MN1: variants seen among roughly 807,000 people sequenced by gnomAD.
MN1 encodes MN1 proto-oncogene, transcriptional regulator, also known as transcriptional activator MN1.
A neutral mutation model predicts 86.9 loss-of-function variants in MN1; 19 were observed. The observed-to-expected ratio is 0.22, with a 90% CI of 0.15 to 0.32. The LOEUF is 0.32. Ranked by LOEUF, MN1 falls within the 10% of genes least tolerant of loss-of-function variation. The probability of loss-of-function intolerance (pLI) is 1.00; values close to 1 mark genes in which losing one functional copy is unlikely to be tolerated. For synonymous variants in MN1, 928 were observed against 849.6 expected (o/e 1.09, Z -1.60); for missense variants, 1,841 against 1,862.0 (o/e 0.99, Z 0.21).
At position 27,797,161 on chromosome 22, in the gene MN1, C is replaced by T. The variant is rs935200470; in HGVS notation, c.3383G>A (p.Gly1128Asp). The T allele has an allele frequency of 4.5e-6, 7 of 1,560,546 alleles. No homozygotes were observed. The highest frequency in any genetic ancestry group is 1.9e-5 in the Admixed American group (1 of 52,872). Residue 1128 changes from glycine (G) to aspartate (D), a missense_variant, in exon 1 of 2, where the codon GGC becomes GAC. Gly to Asp is a moderately conservative substitution (Grantham distance 94, BLOSUM62 -1). Transcript: ENST00000302326. ...GCGGACCTGCTCCAGGCCCGGAGTG[C>T]CCGGATGGCCCGGGCCCCCACCGCC... ...YGGGGGPGHP[G>D]TPGLEQVRTP...
chr22:27,760,161 C>T (rs1328797239), intron 1 of MN1, among the ~76,000 whole-genome samples: 4 of 152,132 alleles, frequency 2.6e-5, no homozygotes, highest in African/African-American at 9.7e-5. Context: ...ACCAGCCTGG[C>T]CAACATGGTC....
intron 1 of MN1, among the ~76,000 whole-genome samples, chr22:27,771,430 T>C (rs1419881105): frequency 6.6e-6 from 1 of 151,884 alleles, no homozygotes; most frequent in Non-Finnish European, 1.5e-5. Flanking sequence ...TCTCACTATG[T>C]TGCCCAGGTT....
At position 27,750,972 on chromosome 22, in the gene MN1, C is replaced by T. The variant is rs561643116; in HGVS notation, c.3906G>A (p.Arg1302=). 7.4e-6 allele frequency: 12 copies of T among 1,612,634 alleles called. No individual in the cohort carries two copies. In the South Asian group the frequency reaches 1.3e-4, roughly 18 times the overall value. Residue 1302 remains arginine, a synonymous_variant, in exon 2 of 2, where the codon CGG becomes CGA. Transcript: ENST00000302326. ...TGTTGGAGATGTCAGAATGCAGGGA[C>T]CGCCAGGTGGGCACGGAGGCTCGAG... The part of the protein sequence containing the change: ...AKARASVPTW[R]SLHSDISNRF...
At position 27,797,467 on chromosome 22, in the gene MN1, C is replaced by A. The variant is rs1464999399; in HGVS notation, c.3077G>T (p.Gly1026Val). The change falls in exon 1 of 2, where the codon GGG (glycine) becomes GTG (valine). Residue 1026 changes from glycine (G) to valine (V), a missense_variant. Physicochemically the swap from Gly to Val is moderately radical, Grantham distance 109. Transcript: ENST00000302326. ...CGACTTGGCCCCGCCGTCCAGGGAC[C>A]CAATGAGGTCCGGCTGATCCCCCAG... ...LLLGDQPDLI[G>V]SLDGGAKSDS... 3 of 1,600,284 alleles carry A rather than the reference C, an allele frequency of 1.9e-6. No individual in the cohort carries two copies. Among genetic ancestry groups the A allele is most frequent in the Non-Finnish European group, 2.6e-6 (3 of 1,173,200 alleles).
intron 1 of MN1, among the ~76,000 whole-genome samples, chr22:27,794,374 T>C (rs967876720): frequency 4.6e-5 from 7 of 152,208 alleles, no homozygotes; most frequent in African/African-American, 1.7e-4. Context: ...ATTCGCTGCT[T>C]TATCGAGGAA....
intron 1 of MN1, among the ~76,000 whole-genome samples, chr22:27,772,656 G>A (rs1292023397): frequency 6.6e-6 from 1 of 152,122 alleles, no homozygotes; most frequent in Admixed American, 6.5e-5. Flanking sequence ...GCCCTGCTAG[G>A]CTACTTCCTA....
chr22:27,799,290 G>A lies in MN1; in HGVS notation c.1254C>T (p.Ser418=). 1 of 1,587,306 alleles carries A rather than the reference G, an allele frequency of 6.3e-7. No homozygotes were observed. The highest frequency in any genetic ancestry group is 8.6e-7 in the Non-Finnish European group (1 of 1,166,980). Residue 418 remains serine, a synonymous_variant, in exon 1 of 2, where the codon AGC becomes AGT. Coordinates refer to ENST00000302326, the MANE Select transcript of MN1 (RefSeq NM_002430.3). ...AAACAGGCTCGGAATAAGGGTGCATGCTCCGGTTCTCCAGCCGGTGGATGG... is the reference window on the plus strand; with the variant it reads ...AAACAGGCTCGGAATAAGGGTGCATACTCCGGTTCTCCAGCCGGTGGATGG... ...EYPIHRLENR[S]MHPYSEPVFS...
At position 27,800,348 on chromosome 22, in the gene MN1, C is replaced by G. The variant is rs752009579; in HGVS notation, c.196G>C (p.Glu66Gln). The G allele has an allele frequency of 6.2e-7, 1 of 1,604,162 alleles. No individual in the cohort carries two copies. Among genetic ancestry groups the G allele is most frequent in the Admixed American group, 1.7e-5 (1 of 59,306 alleles). ...CCGCGCGCGTGGAAGCCGTAGGGCT[C>G]CATGTTCATGCCCAAGATCGGGGGT... ...GEPPILGMNM[E>Q]PYGFHARGHS... Residue 66 changes from glutamate to glutamine, a missense_variant, in exon 1 of 2, where the codon GAG (glutamate) becomes CAG (glutamine). By Grantham distance (29) the Glu-to-Gln change is conservative. Transcript: ENST00000302326.
chr22:27,791,565 C>G (rs532886510), intron 1 of MN1, among the ~76,000 whole-genome samples: 5 of 152,036 alleles, frequency 3.3e-5, no homozygotes, highest in Non-Finnish European at 7.4e-5. Context: ...TGCAGCCCCC[C>G]ACCCCCTCCG....
intron 1 of MN1, among the ~76,000 whole-genome samples, chr22:27,761,558 G>A (rs1932835360): frequency 6.6e-6 from 1 of 152,160 alleles, no homozygotes; most frequent in Non-Finnish European, 1.5e-5. Context: ...TGTTACCAAA[G>A]TTTCAGCTGC....
Position 27,749,778 on chromosome 22 carries a change from A to G in MN1, c.*1137T>C, listed in dbSNP as rs985537597. 2 of 231,414 alleles carry G rather than the reference A, an allele frequency of 8.6e-6. No homozygotes were observed. Among genetic ancestry groups the G allele is most frequent in the Non-Finnish European group, 1.7e-5 (2 of 116,922 alleles). 14.3% of individuals were successfully genotyped at this position (231,414 alleles called of 1,614,324 possible). A position where few individuals can be genotyped will look rare whatever the true frequency, so the allele number is the denominator to read the frequency against. On this transcript the variant is annotated 3_prime_UTR_variant, in exon 2 of 2. Coordinates refer to ENST00000302326, the MANE Select transcript of MN1 (RefSeq NM_002430.3). ...TGCAAAGGCTCAGAGAAGGCTGAGC[A>G]GGCTGAGCAAGAGGGTGCCTCATCC...
chr22:27,797,045 A>T lies in MN1; in HGVS notation c.3499T>A (p.Phe1167Ile). ...AGAGGCTGGTCCTCGGAGATGCTGA[A>T]CTGCTGCCTCTGTAGCTGGATCTGC... ...QAQIQLQRQQ[F>I]SISEDQPLGL... Residue 1167 changes from phenylalanine to isoleucine, a missense_variant, in exon 1 of 2, where the codon TTC (phenylalanine) becomes ATC (isoleucine). By Grantham distance (21) the Phe-to-Ile change is conservative. Transcript: ENST00000302326. 1 of 1,612,368 alleles carries T rather than the reference A, an allele frequency of 6.2e-7. No homozygotes were observed. Among genetic ancestry groups the T allele is most frequent in the Non-Finnish European group, 8.5e-7 (1 of 1,179,774 alleles).
At chr22:27,767,615 C>G (rs757557316) in intron 1 of MN1, among the ~76,000 whole-genome samples, 3 of 152,184 alleles carry the variant, frequency 2.0e-5, no homozygotes, top group African/African-American at 4.8e-5. Flanking sequence ...ACCTTCCCAA[C>G]CAACATGCCA....
At chr22:27,785,943 G>C (rs1305433707) in intron 1 of MN1, among the ~76,000 whole-genome samples, 1 of 152,170 alleles carries the variant, frequency 6.6e-6, no homozygotes, top group Non-Finnish European at 1.5e-5. Context: ...AAAAGAAATT[G>C]TATCCTCATC....
intron 1 of MN1, among the ~76,000 whole-genome samples, chr22:27,779,459 G>A (rs1450680491): frequency 1.3e-5 from 2 of 152,172 alleles, no homozygotes; most frequent in East Asian, 1.9e-4. Flanking sequence ...ACCTGGTGAC[G>A]GCCATGAGGA....
chr22:27,753,181 T>C (rs1932780548), intron 1 of MN1, among the ~76,000 whole-genome samples: 1 of 152,208 alleles, frequency 6.6e-6, no homozygotes, highest in Non-Finnish European at 1.5e-5. Flanking sequence ...CATGCCTTTA[T>C]TGAGGACCTT....
chr22:27,796,589 T>G (rs1933299620), intron 1 of MN1, among the ~76,000 whole-genome samples, 174 bp downstream of exon 1: 2 of 141,632 alleles, frequency 1.4e-5, no homozygotes, highest in Admixed American at 7.0e-5. Flanking sequence ...TGTGGGGGGG[T>G]CTGTCCTCAC....
rs1355688497 is a variant in MN1 at position 27,798,792 on chromosome 22, C to A, written c.1752G>T (p.Val584=). ...CGCCATGCACCAGGCCGCCCTGGCC[C>A]ACGTCCCCGGGGTGGCCTAGCTGAG... The part of the protein sequence containing the change: ...NLAQLGHPGD[V]GQGGLVHGGP... Residue 584 remains valine, a synonymous_variant, in exon 1 of 2, where the codon GTG becomes GTT. Coordinates refer to ENST00000302326, the MANE Select transcript of MN1 (RefSeq NM_002430.3). 2.0e-6 allele frequency: 3 copies of A among 1,535,374 alleles called. No individual in the cohort carries two copies. The highest frequency in any genetic ancestry group is 2.6e-6 in the Non-Finnish European group (3 of 1,145,998).
At position 27,757,334 on chromosome 22, in the gene MN1, G is replaced by C. The variant is rs117523006; in HGVS notation, c.3782-6238C>G. 3.5e-3 allele frequency among the ~76,000 whole-genome samples: 530 copies of C among 152,246 alleles called. 21 individuals carry two copies. In the East Asian group the frequency reaches 0.084, roughly 24 times the overall value. ...ACAGGCGTGAGCCACCGCACCCGGC[G>C]CACTCTTACTGTTCGTGGCACTGGA... is the stretch of plus-strand genomic sequence containing the variant. On this transcript the variant is annotated intron_variant, in intron 1 of 1. Transcript: ENST00000302326.
Sources: gnomAD v4.1 joint callset for allele counts (sites outside exome capture counted in the v4.1 genomes callset) on GRCh38, gnomAD v4.1.1 for gene constraint, MANE v1.5 for transcripts, NCBI Gene and HGNC (gene_info 2026-07-23, HGNC 2026-07-21) for gene names.